Variants in SYT14 observed in about 807,000 individuals in gnomAD.
The protein encoded by SYT14 is synaptotagmin-14.
In SYT14, 32 loss-of-function variants were observed where a neutral mutation model predicts 74.2. The ratio of observed to expected loss-of-function variants is 0.43; its 90% CI spans 0.33 to 0.58. SYT14 has a LOEUF of 0.58. Ranked by LOEUF, SYT14 falls within the 20% of genes least tolerant of loss-of-function variation. The pLI is 0.05. For missense variants in SYT14, 791 were observed against 981.8 expected, an observed-to-expected ratio of 0.81 and a Z score of 2.60; for synonymous variants, 298 against 337.7, an observed-to-expected ratio of 0.88 and a Z score of 1.29.
intron 5 of SYT14, among the ~76,000 whole-genome samples, chr1:210,073,560 A>T (rs1044642362): frequency 1.3e-5 from 2 of 152,072 alleles, no homozygotes; most frequent in African/African-American, 4.8e-5. Context: ...AATTTATGTC[A>T]TAAGTAAAAG....
chr1:210,104,233 TC>T (rs2082120799), intron 7 of SYT14, among the ~76,000 whole-genome samples: 1 of 152,214 alleles, frequency 6.6e-6, no homozygotes, highest in Admixed American at 6.5e-5. Flanking sequence ...CAGAAAAGAA[TC>T]CAGTGAGAAC....
rs960923188 is a variant in SYT14, at chr1:210,139,265, C to CTTTTTTTTTTT, written c.2035-16444_2035-16434dup. 7.8e-3 allele frequency among the ~76,000 whole-genome samples: 743 copies of CTTTTTTTTTTT among 95,620 alleles called. 1 individual carries two copies. Among genetic ancestry groups the CTTTTTTTTTTT allele is most frequent in the Non-Finnish European group, 8.9e-3 (442 of 49,458 alleles). 62.7% of individuals were successfully genotyped at this position (95,620 alleles called of 152,430 possible). ...CCAGGCCTGGCTAATTTTCTTTTTT[C>CTTTTTTTTTTT]TTTTTTTTTTTTTTTTTTTTTTGAT... On this transcript the variant is annotated intron_variant, in intron 7 of 9. Transcript: ENST00000637265.
intron 5 of SYT14, among the ~76,000 whole-genome samples, chr1:210,092,508 A>C (rs920633667): frequency 2.0e-5 from 3 of 152,204 alleles, no homozygotes; most frequent in Non-Finnish European, 4.4e-5. Context: ...GGATGGAGTC[A>C]AGTCAGTCTG....
intron 7 of SYT14, among the ~76,000 whole-genome samples, chr1:210,123,934 C>T (rs1476910135): frequency 6.6e-6 from 1 of 151,886 alleles, no homozygotes; most frequent in Non-Finnish European, 1.5e-5. Flanking sequence ...AGAAAAAATG[C>T]TCAGAAAAAG....
Position 210,094,303 on chromosome 1 carries a change from G to A in SYT14, c.1313-19G>A, listed in dbSNP as rs370362715. On this transcript the variant is annotated intron_variant, in intron 5 of 9. Coordinates refer to ENST00000637265, the Ensembl canonical transcript of SYT14. Reference sequence around the variant, plus strand: ...TGAGGCTAATTGGAAACAGTGACCAGATTCTTAATCATTATCAGGAAACTG... The same window carrying A: ...TGAGGCTAATTGGAAACAGTGACCAAATTCTTAATCATTATCAGGAAACTG... The A allele has an allele frequency of 1.2e-4, 192 of 1,613,676 alleles. No individual in the cohort carries two copies. Among genetic ancestry groups the A allele is most frequent in the African/African-American group, 5.3e-4 (40 of 75,012 alleles).
chr1:209,993,858 T>TA (rs1469463820), intron 2 of SYT14, among the ~76,000 whole-genome samples: 2 of 152,138 alleles, frequency 1.3e-5, no homozygotes, highest in Non-Finnish European at 2.9e-5. Flanking sequence ...TACTGGCCAT[T>TA]ACTCTTAAGT....
In SYT14 at chr1:210,026,765, G is replaced by T. The variant is rs187318804; in HGVS notation, c.1312+5511G>T. The stretch of plus-strand genomic sequence containing the variant: ...TATTTATTCCTTTTATTTATATTTT[G>T]CTTTTATAATAATTTAATATTTAAG... On this transcript the variant is annotated intron_variant, in intron 5 of 9. Transcript: ENST00000637265. Among the ~76,000 whole-genome samples, 428 of 148,410 alleles carry T rather than the reference G, an allele frequency of 2.9e-3. 2 individuals are homozygous for T. The highest frequency in any genetic ancestry group is 4.5e-3 in the Non-Finnish European group (306 of 67,566).
chr1:209,941,339 CAA>C (rs2078726830), intron 1 of SYT14, among the ~76,000 whole-genome samples: 1 of 152,172 alleles, frequency 6.6e-6, no homozygotes, highest in Non-Finnish European at 1.5e-5. Context: ...GGCAAAGTTA[CAA>C]TTTTTGAAAG....
rs546248417 is a variant in SYT14, at chr1:209,987,809, T to A, written c.-485-25824T>A. 2.6e-5 allele frequency among the ~76,000 whole-genome samples: 4 copies of A among 152,364 alleles called. No individual in the cohort carries two copies. The South Asian group carries it at 8.3e-4, about 32-fold the overall frequency. On this transcript the variant is annotated intron_variant, in intron 2 of 9. Transcript: ENST00000637265. ...GATAGTGTGCCACTTGTTCTATCTT[T>A]TATTATTTCTGATGAATCTCTTGTC...
chr1:210,145,425 C>A (rs1043342487), intron 7 of SYT14, among the ~76,000 whole-genome samples: 1 of 152,104 alleles, frequency 6.6e-6, no homozygotes, highest in African/African-American at 2.4e-5. Flanking sequence ...TTCTTACCAC[C>A]GCATTTCATG....
In SYT14 at chr1:210,000,464, A is replaced by ACGCG. The variant is rs537943779; in HGVS notation, c.-485-13166_-485-13165insGCGC. Among the ~76,000 whole-genome samples the ACGCG allele has an allele frequency of 6.3e-3, 841 of 134,044 alleles. 3 individuals carry two copies. Among genetic ancestry groups the ACGCG allele is most frequent in the African/African-American group, 0.011 (384 of 34,824 alleles). The allele number at this position is 134,044 out of a possible 152,430, so 87.9% of individuals were successfully genotyped here. A position where few individuals can be genotyped will look rare whatever the true frequency, so the allele number is the denominator to read the frequency against. On this transcript the variant is annotated intron_variant, in intron 2 of 9. Coordinates refer to ENST00000637265, the Ensembl canonical transcript of SYT14. ...TCTTATTTTAGTCCTTTGTCCTCAT[A>ACGCG]CGCACACACACACACACACACACAC...
At chr1:210,115,391 C>T (rs2082339548) in intron 7 of SYT14, among the ~76,000 whole-genome samples, 1 of 150,930 alleles carries the variant, frequency 6.6e-6, no homozygotes. Flanking sequence ...GTGGTGCTTG[C>T]CACTAAGGGT....
At chr1:210,158,596 A>C (rs1395808785) in intron 8 of SYT14, among the ~76,000 whole-genome samples, 1 of 152,202 alleles carries the variant, frequency 6.6e-6, no homozygotes, top group East Asian at 1.9e-4. Context: ...GGCCAAGCGC[A>C]GGGTTGGATA....
chr1:210,081,012 C>T (rs1451841643), intron 5 of SYT14, among the ~76,000 whole-genome samples: 1 of 152,112 alleles, frequency 6.6e-6, no homozygotes, highest in Non-Finnish European at 1.5e-5. Context: ...AAGGATATCA[C>T]AGGCCAAGGG....
At chr1:209,990,807 C>A (rs942004976) in intron 2 of SYT14, among the ~76,000 whole-genome samples, 4 of 151,740 alleles carry the variant, frequency 2.6e-5, no homozygotes, top group African/African-American at 9.7e-5. Flanking sequence ...CTTTCACATT[C>A]TTGTCATTTC....
intron 7 of SYT14, among the ~76,000 whole-genome samples, chr1:210,122,585 C>G (rs1033693819): frequency 2.7e-5 from 4 of 150,812 alleles, no homozygotes; most frequent in Non-Finnish European, 4.4e-5. Flanking sequence ...TTTTTAGGTT[C>G]CACATATGGT....
rs1043904371 is a variant in SYT14 at position 210,077,682 on chromosome 1, T to G, written c.1313-16640T>G. ...TTTGATAACTGTTTTTTGAAATGAT[T>G]GTACCATTGTACGTTTCTATCTGCA... On this transcript the variant is annotated intron_variant, in intron 5 of 9. Transcript: ENST00000637265. Among the ~76,000 whole-genome samples, 5 of 152,250 alleles carry G rather than the reference T, an allele frequency of 3.3e-5. No homozygotes were observed. In the East Asian group the frequency reaches 9.6e-4, roughly 29 times the overall value.
chr1:209,958,625 T>G (rs1301622501), intron 2 of SYT14, among the ~76,000 whole-genome samples: 1 of 152,180 alleles, frequency 6.6e-6, no homozygotes, highest in Non-Finnish European at 1.5e-5. Context: ...CCTTATATTT[T>G]TTGTTGCTAT....
At chr1:210,148,513 A>G (rs1243776810) in intron 7 of SYT14, among the ~76,000 whole-genome samples, 2 of 151,964 alleles carry the variant, frequency 1.3e-5, no homozygotes, top group Non-Finnish European at 2.9e-5. Context: ...CGTCTCAAAA[A>G]AAAAAAAAAA....
Sources: gnomAD v4.1 joint callset for allele counts (sites outside exome capture counted in the v4.1 genomes callset) on GRCh38, gnomAD v4.1.1 for gene constraint, MANE v1.5 for transcripts, NCBI Gene and HGNC (gene_info 2026-07-23, HGNC 2026-07-21) for gene names.